The following ZNF77 variants were observed in gnomAD, a reference collection of about 807,000 sequenced individuals.
The protein encoded by ZNF77 is zinc finger protein 77.
ZNF77 carries 15 observed loss-of-function variants against 13.5 expected under a neutral mutation model. That is an observed-to-expected ratio of 1.11 (90% confidence interval 0.74 to 1.71). The LOEUF is 1.71. Among genes scored for constraint, ZNF77 ranks in the 40% most tolerant of loss-of-function variants. The pLI, the probability that ZNF77 is intolerant of heterozygous loss-of-function variation, is 0.00. For missense variants in ZNF77, 717 were observed against 676.4 expected, an observed-to-expected ratio of 1.06 and a Z score of -0.67; for synonymous variants, 282 against 250.0, an observed-to-expected ratio of 1.13 and a Z score of -1.21.
rs139846934 is a variant in ZNF77 at position 2,933,735 on chromosome 19, G to A, written c.1392C>T (p.Tyr464=). The part of the protein sequence containing the change: ...HVRTHSGEKP[Y]ECNQCGKAFS... ...AGGCTTTCCCACATTGATTACATTC[G>A]TACGGTTTCTCTCCGCTGTGGGTTC... The change falls in exon 4 of 4, where the codon TAC becomes TAT. Residue 464 remains tyrosine (Y), a synonymous_variant. Coordinates refer to ENST00000314531, the MANE Select transcript of ZNF77 (RefSeq NM_021217.3). The A allele has an allele frequency of 2.3e-3, 3,730 of 1,612,380 alleles. 7 individuals are homozygous for A. The highest frequency in any genetic ancestry group is 2.8e-3 in the Non-Finnish European group (3,257 of 1,178,678).
Position 2,933,713 on chromosome 19 carries a change from C to T in ZNF77, c.1414G>A (p.Ala472Thr), listed in dbSNP as rs1489938834. Residue 472 changes from alanine to threonine, a missense_variant, in exon 4 of 4, where the codon GCC becomes ACC. Physicochemically the swap from Ala to Thr is moderately conservative, Grantham distance 58. Transcript: ENST00000314531. ...TGAAAGTACTGAGCGTGGCTGAAGG[C>T]TTTCCCACATTGATTACATTCGTAC... ...KPYECNQCGK[A>T]FSHAQYFQKH... 3 of 1,611,348 alleles carry T rather than the reference C, an allele frequency of 1.9e-6. No homozygotes were observed. The African/African-American group carries it at 4.0e-5, about 22-fold the overall frequency.
chr19:2,943,779 G>C (rs2088472081), intron 1 of ZNF77, among the ~76,000 whole-genome samples: 1 of 140,490 alleles, frequency 7.1e-6, no homozygotes, highest in Non-Finnish European at 1.5e-5. Context: ...GCGCCATGTC[G>C]GCTCACTGCA....
At chr19:2,936,755 G>A (rs772629831) in intron 2 of ZNF77, 51 bp from the exon 3 acceptor site, 2 of 1,516,912 alleles carry the variant, frequency 1.3e-6, no homozygotes, top group Non-Finnish European at 1.8e-6. Flanking sequence ...TGGGATAAAG[G>A]AAATAGACCA....
At chr19:2,943,458 C>T (rs904126213) in intron 1 of ZNF77, among the ~76,000 whole-genome samples, 1 of 151,854 alleles carries the variant, frequency 6.6e-6, no homozygotes, top group Non-Finnish European at 1.5e-5. Context: ...TGAACTTTGG[C>T]CCCCCCGAGT....
intron 1 of ZNF77, chr19:2,939,735 G>T: frequency 3.2e-6 from 1 of 311,632 alleles, no homozygotes; most frequent in Non-Finnish European, 6.1e-6. Context: ...ACTTTGAGAG[G>T]CTCAGGTGCG....
At chr19:2,944,733 C>T (rs2088480956) in intron 1 of ZNF77, 105 bp downstream of exon 1, 2 of 1,403,424 alleles carry the variant, frequency 1.4e-6, no homozygotes, top group Admixed American at 2.8e-5. Context: ...TCGTGCGCCG[C>T]CCCGCGCGTC....
Position 2,934,297 on chromosome 19 carries a change from A to G in ZNF77, c.830T>C (p.Phe277Ser). Residue 277 changes from phenylalanine (F) to serine (S), a missense_variant, in exon 4 of 4, where the codon TTC (phenylalanine) becomes TCC (serine). Phe to Ser is a radical substitution (Grantham distance 155, BLOSUM62 -2). Coordinates refer to ENST00000314531, the MANE Select transcript of ZNF77 (RefSeq NM_021217.3). ...PYECKECGKA[F>S]SCPSYFREHV... The stretch of plus-strand genomic sequence containing the variant: ...TTCTCGAAAGTATGAGGGACAGCTG[A>G]AGGCTTTCCCACACTCCTTACACTC... The G allele has an allele frequency of 6.2e-7, 1 of 1,612,940 alleles. No homozygotes were observed. Among genetic ancestry groups the G allele is most frequent in the East Asian group, 2.2e-5 (1 of 44,812 alleles).
intron 2 of ZNF77, among the ~76,000 whole-genome samples, chr19:2,938,122 A>C (rs11665830): frequency 0.048 from 7,374 of 152,172 alleles, 239 homozygotes; most frequent in Non-Finnish European, 0.067. Context: ...ACTCCTCCCG[A>C]GGGCTGCTGC....
rs756279372 is a variant in ZNF77, at chr19:2,936,696, T to G, written c.139A>C (p.Ile47Leu). The G allele has an allele frequency of 1.2e-5, 19 of 1,604,302 alleles. No homozygotes were observed. The highest frequency in any genetic ancestry group is 3.5e-5 in the Admixed American group (2 of 57,392). Reference protein sequence around the residue: ...CRNLASLDCYIYVRTSGSSSQ... With the variant: ...CRNLASLDCYLYVRTSGSSSQ... ...CTTGATCCACTGGTTCTAACATAAATGTAACAATCTGCAACAATCAATTAC... is the reference window on the plus strand; with the variant it reads ...CTTGATCCACTGGTTCTAACATAAAGGTAACAATCTGCAACAATCAATTAC... Residue 47 changes from isoleucine to leucine, a missense_variant, in exon 3 of 4, where the codon ATT becomes CTT. Physicochemically the swap from Ile to Leu is conservative, Grantham distance 5. Coordinates refer to ENST00000314531, the MANE Select transcript of ZNF77 (RefSeq NM_021217.3).
At chr19:2,936,803 A>G in intron 2 of ZNF77, 99 bp from the exon 3 acceptor site, 1 of 1,117,074 alleles carries the variant, frequency 9.0e-7, no homozygotes, top group Non-Finnish European at 1.3e-6. Flanking sequence ...CCAAAAATGT[A>G]CCGTTTATAA....
chr19:2,933,921 G>A lies in ZNF77; in HGVS notation c.1206C>T (p.His402=). Reference sequence around the variant, plus strand: ...TACATTGATAGGGCTTCACCCCGCTGTGTGTTTTCACATGTCTTCTAAAGT... The same window carrying A: ...TACATTGATAGGGCTTCACCCCGCTATGTGTTTTCACATGTCTTCTAAAGT... ...PTYFRRHVKT[H]SGVKPYQCKE... Residue 402 remains histidine, a synonymous_variant, in exon 4 of 4, where the codon CAC becomes CAT. Coordinates refer to ENST00000314531, the MANE Select transcript of ZNF77 (RefSeq NM_021217.3). 1 of 1,613,798 alleles carries A rather than the reference G, an allele frequency of 6.2e-7. No homozygotes were observed. Among genetic ancestry groups the A allele is most frequent in the Non-Finnish European group, 8.5e-7 (1 of 1,179,962 alleles).
intron 2 of ZNF77, among the ~76,000 whole-genome samples, chr19:2,938,166 G>A (rs1279788748): frequency 2.6e-5 from 4 of 152,164 alleles, no homozygotes; most frequent in African/African-American, 9.7e-5. Context: ...GGCCCTTACA[G>A]GAGTCCTTCC....
chr19:2,942,075 CT>C (rs36016142), intron 1 of ZNF77, among the ~76,000 whole-genome samples: 351 of 143,782 alleles, frequency 2.4e-3, no homozygotes, highest in Middle Eastern at 3.6e-3. Context: ...AGCATTTATT[CT>C]TTTTTTTTTT....
At chr19:2,941,685 G>C (rs556207824) in intron 1 of ZNF77, among the ~76,000 whole-genome samples, 1 of 152,030 alleles carries the variant, frequency 6.6e-6, no homozygotes, top group Non-Finnish European at 1.5e-5. Flanking sequence ...TAAATTGTTC[G>C]TCAGTCCCCT....
At position 2,939,390 on chromosome 19, in the gene ZNF77, C is replaced by T. The variant is rs1393759554; in HGVS notation, c.21G>A (p.Glu7=). MDCVIF[E]EVAVNFTPEE... Reference sequence around the variant, plus strand: ...CTGGGGTGAAGTTCACAGCCACTTCCTCAAAGATCACGCAGTCCTAAAACA... The same window carrying T: ...CTGGGGTGAAGTTCACAGCCACTTCTTCAAAGATCACGCAGTCCTAAAACA... The change falls in exon 2 of 4, where the codon GAG becomes GAA. Residue 7 remains glutamate, a synonymous_variant. Transcript: ENST00000314531. 6.2e-7 allele frequency: 1 copy of T among 1,614,048 alleles called. No individual in the cohort carries two copies. The highest frequency in any genetic ancestry group is 8.5e-7 in the Non-Finnish European group (1 of 1,180,008).
In ZNF77 at chr19:2,934,403, A is replaced by C; in HGVS notation, c.724T>G (p.Cys242Gly). The C allele has an allele frequency of 3.7e-6, 6 of 1,614,228 alleles. No homozygotes were observed. The highest frequency in any genetic ancestry group is 5.1e-6 in the Non-Finnish European group (6 of 1,180,044). The change falls in exon 4 of 4, where the codon TGT becomes GGT. Residue 242 changes from cysteine to glycine, a missense_variant. Physicochemically the swap from Cys to Gly is radical, Grantham distance 159. Coordinates refer to ENST00000314531, the MANE Select transcript of ZNF77 (RefSeq NM_021217.3). Reference protein sequence around the residue: ...NSHHGQKTHACKVCGKTFMYY... With the variant: ...NSHHGQKTHAGKVCGKTFMYY... ...ATAAAGGTCTTCCCACATACTTTAC[A>C]TGCATGGGTTTTCTGCCCATGATGA...
intron 2 of ZNF77, among the ~76,000 whole-genome samples, chr19:2,938,675 G>A (rs1277237499): frequency 6.6e-6 from 1 of 152,192 alleles, no homozygotes; most frequent in East Asian, 1.9e-4. Context: ...AGGTATCTTA[G>A]GCCGGGCGCG....
chr19:2,939,956 G>C (rs1420473826), intron 1 of ZNF77, among the ~76,000 whole-genome samples: 1 of 152,048 alleles, frequency 6.6e-6, no homozygotes, highest in Non-Finnish European at 1.5e-5. Context: ...CTCCTGTCTG[G>C]GCCACAGAGT....
chr19:2,933,647 A>C lies in ZNF77; in HGVS notation c.1480T>G (p.Cys494Gly), dbSNP rs774984845. The C allele has an allele frequency of 6.8e-6, 11 of 1,613,976 alleles. 1 individual carries two copies. The South Asian group carries it at 1.2e-4, about 18-fold the overall frequency. Residue 494 changes from cysteine to glycine, a missense_variant, in exon 4 of 4, where the codon TGT (cysteine) becomes GGT (glycine). Physicochemically the swap from Cys to Gly is radical, Grantham distance 159 (BLOSUM62 -3). Coordinates refer to ENST00000314531, the MANE Select transcript of ZNF77 (RefSeq NM_021217.3). ...CTGTAGGCTTTCCCACATTCAGTAC[A>C]TTCGTAGGGTTTGACCCCACTGTGT... ...RSHSGVKPYE[C>G]TECGKAYSCS...
Sources: allele counts gnomAD v4.1 joint callset (sites outside exome capture counted in the v4.1 genomes callset), GRCh38; gene constraint gnomAD v4.1.1; transcripts MANE v1.5; gene names NCBI Gene and HGNC (gene_info 2026-07-23, HGNC 2026-07-21).